SHANK2: variants seen among roughly 807,000 people sequenced by gnomAD.
SHANK2 encodes the protein SH3 and multiple ankyrin repeat domains 2.
In SHANK2, 43 loss-of-function variants were observed where a neutral mutation model predicts 133.7. That is an observed-to-expected ratio of 0.32 (90% CI 0.25 to 0.41). The LOEUF is 0.41. Ranked by LOEUF, SHANK2 falls within the 10% of genes least tolerant of loss-of-function variation. The pLI, the probability that SHANK2 is intolerant of heterozygous loss-of-function variation, is 1.00. For synonymous variants in SHANK2, 1,017 were observed against 952.8 expected, an observed-to-expected ratio of 1.07 and a Z score of -1.24; for missense variants, 1,994 against 2,235.8, an observed-to-expected ratio of 0.89 and a Z score of 2.18.
chr11:70,487,268 G>A lies in SHANK2; in HGVS notation c.3025C>T (p.Arg1009Trp), dbSNP rs2058823609. Residue 1009 changes from arginine (R) to tryptophan (W), a missense_variant, in exon 25 of 26, where the codon CGG becomes TGG. Arg to Trp is a moderately radical substitution (Grantham distance 101, BLOSUM62 -3). Around this residue, in one of 5 missense-constraint regions of SHANK2, gnomAD observed 488 missense variants for 642.6 expected, o/e 0.76. Coordinates refer to ENST00000601538, the MANE Select transcript of SHANK2 (RefSeq NM_012309.5). The surrounding 1 kb of genome is among the most constrained non-coding windows in gnomAD (Gnocchi z 5.8). Reference sequence around the variant, plus strand: ...GACTGCTTCACCAGCATCCCCTTCCGCCTGGCGGGCTTGGCGGGGACGTAG... The same window carrying A: ...GACTGCTTCACCAGCATCCCCTTCCACCTGGCGGGCTTGGCGGGGACGTAG... ...AVYVPAKPAR[R>W]KGMLVKQSNV... 1.2e-6 allele frequency: 2 copies of A among 1,614,092 alleles called. No homozygotes were observed. The highest frequency in any genetic ancestry group is 1.7e-6 in the Non-Finnish European group (2 of 1,180,058).
At position 70,781,558 on chromosome 11, in the gene SHANK2, T is replaced by TTTTATATATATATATATA. The variant is rs1555045156; in HGVS notation, c.1777+16884_1777+16885insTATATATATATATATAAA. 2.7e-3 allele frequency among the ~76,000 whole-genome samples: 77 copies of TTTTATATATATATATATA among 28,954 alleles called. 2 individuals carry two copies. Among genetic ancestry groups the TTTTATATATATATATATA allele is most frequent in the African/African-American group, 2.9e-3 (28 of 9,590 alleles). 19.0% of individuals were successfully genotyped at this position (28,954 alleles called of 152,430 possible). On this transcript the variant is annotated intron_variant, in intron 14 of 25. Transcript: ENST00000601538. ...AAGCAGCTTGCAATTTACTTACTTATTATATATATATATATATATATATAT... is the reference window on the plus strand; with the variant it reads ...AAGCAGCTTGCAATTTACTTACTTATTTTATATATATATATATATATATATATATATATATATATATAT...
At chr11:70,943,221 G>A (rs1193243076) in intron 10 of SHANK2, 18 of 384,028 alleles carry the variant, frequency 4.7e-5, no homozygotes, top group Admixed American at 4.1e-4. Context: ...GTCTGTGTCT[G>A]GAGGAGATTA....
rs572447833 is a variant in SHANK2, at chr11:71,129,062, C to T, written c.208-10030G>A. ...CCTCCCAAAGTGCTGGGATTATAGGCATGAGCCACTGTGCCCGGCCATTTC... is the reference window on the plus strand; with the variant it reads ...CCTCCCAAAGTGCTGGGATTATAGGTATGAGCCACTGTGCCCGGCCATTTC... On this transcript the variant is annotated intron_variant, in intron 3 of 25. Transcript: ENST00000601538. Among the ~76,000 whole-genome samples the T allele has an allele frequency of 4.6e-5, 7 of 152,352 alleles. No homozygotes were observed. The South Asian group carries it at 1.2e-3, about 27-fold the overall frequency.
At chr11:70,787,665 T>C (rs1947700789) in intron 14 of SHANK2, among the ~76,000 whole-genome samples, 1 of 151,170 alleles carries the variant, frequency 6.6e-6, no homozygotes, top group East Asian at 2.0e-4. Flanking sequence ...ACCACCACCA[T>C]AAACAGCATC....
intron 10 of SHANK2, chr11:70,949,985 G>A: frequency 2.2e-6 from 1 of 449,982 alleles, no homozygotes; most frequent in South Asian, 1.6e-5. Flanking sequence ...GCGGTGCCTG[G>A]GGAGGGCTGC....
At chr11:70,502,731 G>GGCCCC in intron 18 of SHANK2, 65 bp downstream of exon 18, 2 of 700,460 alleles carry the variant, frequency 2.9e-6, no homozygotes, top group South Asian at 1.6e-5. Flanking sequence ...CAGCTGTCCT[G>GGCCCC]CCCGCCCCCA....
intron 2 of SHANK2, among the ~76,000 whole-genome samples, chr11:71,171,715 C>T (rs1275200459): frequency 6.6e-6 from 1 of 152,210 alleles, no homozygotes; most frequent in African/African-American, 2.4e-5. Context: ...CCCACACAGA[C>T]ACGCCCACGA....
At chr11:70,489,412 A>T (rs1357083232) in intron 23 of SHANK2, 64 bp from the exon 24 acceptor site, 1 of 1,550,078 alleles carries the variant, frequency 6.5e-7, no homozygotes, top group African/African-American at 1.4e-5. Flanking sequence ...GCTTTCCCTG[A>T]GTTTGCTGGT....
At chr11:70,895,147 G>GCT (rs1555075416) in intron 11 of SHANK2, among the ~76,000 whole-genome samples, 1 of 152,244 alleles carries the variant, frequency 6.6e-6, no homozygotes, top group African/African-American at 2.4e-5. Flanking sequence ...AGGCCCCGAG[G>GCT]CTCTGCACAG....
chr11:70,672,060 CTTTTT>C (rs1944820831), intron 15 of SHANK2, among the ~76,000 whole-genome samples: 4 of 120,982 alleles, frequency 3.3e-5, no homozygotes, highest in South Asian at 5.1e-4. Context: ...CTTTTCTTTT[CTTTTT>C]CTTTTTTTTT....
In SHANK2 at chr11:70,857,495, A is replaced by G. The variant is rs1337008292; in HGVS notation, c.1175-36813T>C. Among the ~76,000 whole-genome samples, 5 of 152,078 alleles carry G rather than the reference A, an allele frequency of 3.3e-5. No individual in the cohort carries two copies. In the East Asian group the frequency reaches 9.7e-4, roughly 29 times the overall value. On this transcript the variant is annotated intron_variant, in intron 11 of 25. Transcript: ENST00000601538. ...CCAACAGATGACTGCTGGGTCTTGG[A>G]TATCCTATTTCCTTTTCCTCAAGTG...
intron 17 of SHANK2, among the ~76,000 whole-genome samples, chr11:70,516,102 A>G (rs7120693): frequency 0.97 from 147,511 of 152,256 alleles, 71,645 homozygotes; most frequent in East Asian, 1. Context: ...ATCACAGCCA[A>G]TTATTTTGTG....
At chr11:70,759,841 C>T (rs1478721062) in intron 14 of SHANK2, among the ~76,000 whole-genome samples, 2 of 152,226 alleles carry the variant, frequency 1.3e-5, no homozygotes, top group Admixed American at 6.5e-5. Flanking sequence ...CCCATGCCAG[C>T]AGCCATAACT....
intron 8 of SHANK2, among the ~76,000 whole-genome samples, chr11:71,085,904 T>A (rs1951394767): frequency 0.28 from 204 of 720 alleles, 13 homozygotes; most frequent in Admixed American, 0.44. Context: ...ATATATTAAT[T>A]ATATATTAAT....
chr11:70,947,517 G>C (rs920167135), intron 10 of SHANK2, among the ~76,000 whole-genome samples: 1 of 151,946 alleles, frequency 6.6e-6, no homozygotes. Context: ...CACCATGCCT[G>C]GCTAATCCTG....
chr11:70,707,859 C>T (rs1945699228), intron 14 of SHANK2, among the ~76,000 whole-genome samples: 1 of 152,194 alleles, frequency 6.6e-6, no homozygotes, highest in Admixed American at 6.5e-5. Flanking sequence ...GCTCCCTGAC[C>T]ACCTCTGTAC....
chr11:70,555,742 C>T (rs573014425), intron 17 of SHANK2, among the ~76,000 whole-genome samples: 1 of 152,092 alleles, frequency 6.6e-6, no homozygotes, highest in African/African-American at 2.4e-5. Flanking sequence ...ACAACAACAA[C>T]AAAAAAGCGC....
At chr11:70,659,140 A>G (rs1399677406) in intron 17 of SHANK2, among the ~76,000 whole-genome samples, 1 of 152,190 alleles carries the variant, frequency 6.6e-6, no homozygotes, top group East Asian at 1.9e-4. Flanking sequence ...CCCCTCGCAC[A>G]CACCAACGTG....
chr11:70,731,059 C>G (rs536170545), intron 14 of SHANK2, among the ~76,000 whole-genome samples: 1 of 152,174 alleles, frequency 6.6e-6, no homozygotes, highest in Admixed American at 6.5e-5. Context: ...GAAGCCCCAA[C>G]GCCTAATTTG....
Sources: allele counts gnomAD v4.1 joint callset (sites outside exome capture counted in the v4.1 genomes callset), GRCh38; gene constraint gnomAD v4.1.1; regional missense constraint gnomAD v4.1.1; non-coding constraint Gnocchi (gnomAD v3.1); transcripts MANE v1.5; gene names NCBI Gene and HGNC (gene_info 2026-07-23, HGNC 2026-07-21).